Variants in CHM observed in about 807,000 individuals in gnomAD.
The protein encoded by CHM is rab proteins geranylgeranyltransferase component A 1.
CHM carries 10 observed loss-of-function variants against 49.0 expected under a neutral mutation model. The observed-to-expected ratio is 0.20, with a 90% CI of 0.13 to 0.35. The LOEUF (loss-of-function observed/expected upper bound fraction) is 0.35, where lower values mean the gene tolerates loss of function less well. Ranked by LOEUF, CHM falls within the 10% of genes least tolerant of loss-of-function variation. CHM has a pLI of 1.00. For synonymous variants in CHM, 184 were observed against 167.5 expected, an observed-to-expected ratio of 1.10 and a Z score of -0.76; for missense variants, 455 against 478.4, an observed-to-expected ratio of 0.95 and a Z score of 0.46.
At chrX:85,890,073 A>T (rs1201284366) in intron 12 of CHM, among the ~76,000 whole-genome samples, 1 of 111,410 alleles carries the variant, frequency 9.0e-6, no homozygotes, top group African/African-American at 3.3e-5. Flanking sequence ...GAAATGGCTG[A>T]AAAACTTCCT....
intron 8 of CHM, among the ~76,000 whole-genome samples, chrX:85,943,793 G>A (rs1287324937): frequency 1.8e-5 from 2 of 111,556 alleles, no homozygotes; most frequent in East Asian, 5.6e-4. Context: ...AGAAAATCTG[G>A]TTTCTAGCCT....
At chrX:85,985,668 C>T (rs1224509701) in intron 2 of CHM, among the ~76,000 whole-genome samples, 2 of 110,736 alleles carry the variant, frequency 1.8e-5, no homozygotes, top group East Asian at 5.8e-4. Context: ...TTAAGGCTGG[C>T]AACAAGTCCA....
At chrX:86,042,237 G>GA (rs1371505126) in intron 1 of CHM, among the ~76,000 whole-genome samples, 53 of 111,265 alleles carry the variant, frequency 4.8e-4, no homozygotes, top group African/African-American at 1.5e-3. Context: ...GACCTTTTCT[G>GA]AAAAAAGCAG....
intron 2 of CHM, among the ~76,000 whole-genome samples, chrX:86,002,239 A>G (rs1603275603): frequency 8.9e-6 from 1 of 112,165 alleles, no homozygotes; most frequent in East Asian, 2.8e-4. Flanking sequence ...GTGCTAACAA[A>G]GAAAACCCTA....
At chrX:85,885,060 T>A (rs1925003352) in intron 12 of CHM, among the ~76,000 whole-genome samples, 2 of 110,836 alleles carry the variant, frequency 1.8e-5, no homozygotes, top group African/African-American at 6.5e-5. Context: ...TTCTACCCCA[T>A]GCTCAATGGG....
At chrX:85,888,365 C>CTCA (rs1160710209) in intron 12 of CHM, among the ~76,000 whole-genome samples, 4 of 112,315 alleles carry the variant, frequency 3.6e-5, no homozygotes, top group African/African-American at 1.3e-4. Context: ...AGATAATATT[C>CTCA]AGTGCTCTTG....
chrX:85,890,416 C>A (rs1294996236), intron 12 of CHM, among the ~76,000 whole-genome samples: 1 of 111,650 alleles, frequency 9.0e-6, no homozygotes, highest in Non-Finnish European at 1.9e-5. Context: ...ACAGCCAAAT[C>A]TCAACTTGAA....
chrX:85,895,258 C>T lies in CHM; in HGVS notation c.1414-974G>A, dbSNP rs1309758078. Among the ~76,000 whole-genome samples the T allele has an allele frequency of 3.8e-5, 4 of 106,170 alleles. No homozygotes were observed. In the Admixed American group the frequency reaches 4.1e-4, roughly 11 times the overall value. 92.2% of individuals were successfully genotyped at this position (106,170 alleles called of 115,157 possible). Reference sequence around the variant, plus strand: ...TCAAGTGATTCTCATGCCTCAGCCTCCCAAGTAGCTAGGATTACAGGCATG... The same window carrying T: ...TCAAGTGATTCTCATGCCTCAGCCTTCCAAGTAGCTAGGATTACAGGCATG... On this transcript the variant is annotated intron_variant, in intron 11 of 14. Transcript: ENST00000357749.
At chrX:85,914,051 T>C (rs1204235438) in intron 8 of CHM, among the ~76,000 whole-genome samples, 1 of 111,341 alleles carries the variant, frequency 9.0e-6, no homozygotes, top group East Asian at 2.8e-4. Context: ...GAAATAGGCA[T>C]AGAATGGTTC....
intron 8 of CHM, among the ~76,000 whole-genome samples, chrX:85,911,925 G>T (rs1271739715): frequency 9.0e-6 from 1 of 110,812 alleles, no homozygotes; most frequent in Admixed American, 9.7e-5. Context: ...GAGAGGAGAG[G>T]CCTTAAGATC....
chrX:85,957,352 C>A (rs1391640713), intron 7 of CHM, among the ~76,000 whole-genome samples: 3 of 111,123 alleles, frequency 2.7e-5, no homozygotes, highest in African/African-American at 9.8e-5. Flanking sequence ...AGAAACCATG[C>A]CTTTTCTGAA....
intron 12 of CHM, among the ~76,000 whole-genome samples, chrX:85,885,318 T>C (rs1925017937): frequency 9.1e-6 from 1 of 109,604 alleles, no homozygotes; most frequent in African/African-American, 3.3e-5. Context: ...CAAAGAAAAA[T>C]ACATCTTCAC....
At chrX:85,907,718 T>C (rs1172604705) in intron 9 of CHM, among the ~76,000 whole-genome samples, 1 of 112,150 alleles carries the variant, frequency 8.9e-6, no homozygotes, top group Non-Finnish European at 1.9e-5. Context: ...AATCACCACA[T>C]TAAACTCAAT....
chrX:86,018,919 A>G (rs1052779170), intron 2 of CHM, among the ~76,000 whole-genome samples: 2 of 112,317 alleles, frequency 1.8e-5, no homozygotes, highest in Non-Finnish European at 3.8e-5. Flanking sequence ...ACAGTTATAA[A>G]AAGGCAACAT....
chrX:85,970,287 T>C lies in CHM; in HGVS notation c.315-6235A>G, dbSNP rs1930822519. 5 of 752,930 alleles carry C rather than the reference T, an allele frequency of 6.6e-6. No homozygotes were observed. The South Asian group carries it at 2.0e-4, about 30-fold the overall frequency. 62.0% of individuals were successfully genotyped at this position (752,930 alleles called of 1,213,427 possible). ...ACTAAAGAATATTGGATTCTTCCCA[T>C]AGCTTCCTAACACTGGGAGTTAGGC... On this transcript the variant is annotated intron_variant, in intron 4 of 14. Transcript: ENST00000357749.
rs189007173 is a variant in CHM at position 85,979,527 on chromosome X, G to A, written c.190-636C>T. On this transcript the variant is annotated intron_variant, in intron 3 of 14. Coordinates refer to ENST00000357749, the MANE Select transcript of CHM (RefSeq NM_000390.4). Reference sequence around the variant, plus strand: ...TCTCACTAAGGGTTGAAAGTGGTCCGTTAAAATGTTCAGTAATTCCTAATT... The same window carrying A: ...TCTCACTAAGGGTTGAAAGTGGTCCATTAAAATGTTCAGTAATTCCTAATT... Among the ~76,000 whole-genome samples, 156 of 111,709 alleles carry A rather than the reference G, an allele frequency of 1.4e-3. 1 individual carries two copies. The highest frequency in any genetic ancestry group is 4.2e-3 in the African/African-American group (129 of 30,845).
chrX:85,967,668 T>C (rs1930656473), intron 4 of CHM, among the ~76,000 whole-genome samples: 1 of 112,310 alleles, frequency 8.9e-6, no homozygotes, highest in Non-Finnish European at 1.9e-5. Flanking sequence ...TTTCACAAAT[T>C]AAATTTAGTG....
intron 13 of CHM, among the ~76,000 whole-genome samples, chrX:85,878,198 G>T (rs1213702031): frequency 8.9e-6 from 1 of 112,115 alleles, no homozygotes; most frequent in East Asian, 2.8e-4. Context: ...GACTATTAGA[G>T]GCTGGATGCA....
rs1923478954 is a variant in CHM, at chrX:85,863,285, G to C, written c.*1345C>G. 9.0e-6 allele frequency: 1 copy of C among 111,320 alleles called. No individual in the cohort carries two copies. Among genetic ancestry groups the C allele is most frequent in the African/African-American group, 3.3e-5 (1 of 30,600 alleles). The allele number at this position is 111,320 out of a possible 1,213,427, so 9.2% of individuals were successfully genotyped here. Reference sequence around the variant, plus strand: ...ATTTTGTATTTTTAGTAGAGACAGGGTTTCGCCATGTTGGCCAGGCTGGTC... The same window carrying C: ...ATTTTGTATTTTTAGTAGAGACAGGCTTTCGCCATGTTGGCCAGGCTGGTC... On this transcript the variant is annotated 3_prime_UTR_variant, in exon 15 of 15. Coordinates refer to ENST00000357749, the MANE Select transcript of CHM (RefSeq NM_000390.4).
Sources: allele counts gnomAD v4.1 joint callset (sites outside exome capture counted in the v4.1 genomes callset), GRCh38; gene constraint gnomAD v4.1.1; transcripts MANE v1.5; gene names NCBI Gene and HGNC (gene_info 2026-07-23, HGNC 2026-07-21).